MSRB3: variants seen among roughly 807,000 people sequenced by gnomAD.
The protein encoded by MSRB3 is methionine-R-sulfoxide reductase B3.
MSRB3 carries 13 observed loss-of-function variants against 21.0 expected under a neutral mutation model. That is an observed-to-expected ratio of 0.62 (90% CI 0.40 to 0.98). The LOEUF (loss-of-function observed/expected upper bound fraction) is 0.98, where lower values mean the gene tolerates loss of function less well. Among genes scored for constraint, MSRB3 ranks in the 50% least tolerant of loss-of-function variants. MSRB3 has a pLI of 0.00. For missense variants in MSRB3, 199 were observed against 230.3 expected (o/e 0.86, Z 0.88); for synonymous variants, 87 against 88.6 (o/e 0.98, Z 0.10).
chr12:65,419,186 T>C lies in MSRB3; in HGVS notation c.293-34542T>C, dbSNP rs1592619050. 7.1e-6 allele frequency: 5 copies of C among 701,068 alleles called. No homozygotes were observed. The East Asian group carries it at 7.7e-5, about 11-fold the overall frequency. The allele number at this position is 701,068 out of a possible 1,614,324, so 43.4% of individuals were successfully genotyped here. ...GCCAACTGCATGGTGACCACTGTGG[T>C]ACTCTCCTTAATCTGCTGAGACCAG... On this transcript the variant is annotated intron_variant, in intron 5 of 6. Transcript: ENST00000308259.
In MSRB3 at chr12:65,445,382, G is replaced by A. The variant is rs531703169; in HGVS notation, c.293-8346G>A. The stretch of plus-strand genomic sequence containing the variant: ...ACAAATTTGATCATGTTACTAGGCT[G>A]CTTAAAAGCCTTCAGGTGGCCCCCA... On this transcript the variant is annotated intron_variant, in intron 5 of 6. Coordinates refer to ENST00000308259, the MANE Select transcript of MSRB3 (RefSeq NM_001031679.3). 1.1e-3 allele frequency among the ~76,000 whole-genome samples: 172 copies of A among 149,924 alleles called. 1 individual carries two copies. The highest frequency in any genetic ancestry group is 4.1e-3 in the African/African-American group (166 of 40,638).
intron 4 of MSRB3, among the ~76,000 whole-genome samples, chr12:65,368,706 G>A (rs1878148502): frequency 6.6e-6 from 1 of 152,104 alleles, no homozygotes; most frequent in Non-Finnish European, 1.5e-5. Context: ...AATCTGTAAA[G>A]ATCAGGTGCC....
intron 2 of MSRB3, among the ~76,000 whole-genome samples, chr12:65,319,375 T>A (rs1874515156): frequency 6.6e-6 from 1 of 152,094 alleles, no homozygotes; most frequent in African/African-American, 2.4e-5. Flanking sequence ...CTAGATGTAG[T>A]TTTCTGTTTG....
At chr12:65,347,511 T>C (rs1397828726) in intron 4 of MSRB3, among the ~76,000 whole-genome samples, 4 of 152,184 alleles carry the variant, frequency 2.6e-5, no homozygotes, top group Non-Finnish European at 4.4e-5. Flanking sequence ...TTTCTAGATA[T>C]ACAATCATGT....
intron 5 of MSRB3, among the ~76,000 whole-genome samples, chr12:65,394,831 G>A (rs1879688776): frequency 6.6e-6 from 1 of 152,282 alleles, no homozygotes; most frequent in East Asian, 1.9e-4. Context: ...GATTGTATCA[G>A]TAGACACAGA....
At chr12:65,287,131 CTT>C (rs368441408) in intron 1 of MSRB3, among the ~76,000 whole-genome samples, 11 of 124,750 alleles carry the variant, frequency 8.8e-5, no homozygotes, top group Middle Eastern at 4.1e-3. Context: ...TTTCATTTCT[CTT>C]TTTTTTTTTT....
chr12:65,332,348 G>A (rs910285855), intron 4 of MSRB3, among the ~76,000 whole-genome samples: 13 of 151,972 alleles, frequency 8.6e-5, no homozygotes, highest in African/African-American at 3.1e-4. Flanking sequence ...TGTTAGAAAG[G>A]AGTGAGGGTA....
At chr12:65,402,615 C>T (rs1389965518) in intron 5 of MSRB3, among the ~76,000 whole-genome samples, 1 of 152,206 alleles carries the variant, frequency 6.6e-6, no homozygotes, top group Admixed American at 6.5e-5. Flanking sequence ...CTACTTCTGT[C>T]AATTCATCAA....
chr12:65,461,542 C>A (rs1050920828), intron 6 of MSRB3, among the ~76,000 whole-genome samples: 6 of 152,108 alleles, frequency 3.9e-5, no homozygotes, highest in African/African-American at 1.4e-4. Context: ...CATGGAAGTG[C>A]CATACAGTCA....
At chr12:65,408,962 T>A (rs1258848204) in intron 5 of MSRB3, among the ~76,000 whole-genome samples, 1 of 152,184 alleles carries the variant, frequency 6.6e-6, no homozygotes, top group African/African-American at 2.4e-5. Flanking sequence ...AGCGGACTTT[T>A]CTGTGATCTT....
At chr12:65,369,054 G>A in intron 5 of MSRB3, 28 bp downstream of exon 5, 1 of 1,499,040 alleles carries the variant, frequency 6.7e-7, no homozygotes, top group Non-Finnish European at 9.3e-7. Flanking sequence ...ATGCTCTTCT[G>A]AATATATTTT....
chr12:65,331,335 A>G (rs577044520), intron 4 of MSRB3, among the ~76,000 whole-genome samples: 1 of 152,336 alleles, frequency 6.6e-6, no homozygotes, highest in Non-Finnish European at 1.5e-5. Context: ...TCTAAAGAAT[A>G]CAGGAATAGC....
chr12:65,290,536 C>A (rs1872611768), intron 1 of MSRB3, among the ~76,000 whole-genome samples: 1 of 152,174 alleles, frequency 6.6e-6, no homozygotes, highest in Admixed American at 6.5e-5. Context: ...TGTAATTTTC[C>A]ATGATTTTGT....
chr12:65,285,734 T>C (rs57512601), intron 1 of MSRB3: 7,126 of 152,478 alleles, frequency 0.047, 347 homozygotes, highest in African/African-American at 0.12. Context: ...GTGAGAGGAT[T>C]GCTTGAGCCC....
At chr12:65,404,781 C>T (rs1203592630) in intron 5 of MSRB3, among the ~76,000 whole-genome samples, 1 of 152,130 alleles carries the variant, frequency 6.6e-6, no homozygotes, top group Admixed American at 6.5e-5. Flanking sequence ...AATCTACTCT[C>T]TTTGCAATTT....
intron 5 of MSRB3, among the ~76,000 whole-genome samples, chr12:65,413,421 A>C (rs1014603228): frequency 2.6e-5 from 4 of 152,174 alleles, no homozygotes; most frequent in African/African-American, 9.7e-5. Flanking sequence ...ATGCCTGATT[A>C]GTTGTTGCCT....
chr12:65,350,686 A>T (rs1419119590), intron 4 of MSRB3, among the ~76,000 whole-genome samples: 1 of 141,072 alleles, frequency 7.1e-6, no homozygotes, highest in Non-Finnish European at 1.5e-5. Context: ...AACAGACTTT[A>T]AACCAACAAA....
intron 1 of MSRB3, among the ~76,000 whole-genome samples, chr12:65,308,189 G>A (rs1018064151): frequency 4.6e-5 from 7 of 152,144 alleles, no homozygotes; most frequent in Non-Finnish European, 7.4e-5. Flanking sequence ...ATGATACAAC[G>A]TGTATATTAG....
intron 5 of MSRB3, among the ~76,000 whole-genome samples, chr12:65,369,952 G>A (rs567999964): frequency 6.6e-6 from 1 of 152,104 alleles, no homozygotes; most frequent in African/African-American, 2.4e-5. Flanking sequence ...CCTTTTGATA[G>A]TAGTGTTAAG....
Sources: allele counts gnomAD v4.1 joint callset (sites outside exome capture counted in the v4.1 genomes callset), GRCh38; gene constraint gnomAD v4.1.1; transcripts MANE v1.5; gene names NCBI Gene and HGNC (gene_info 2026-07-23, HGNC 2026-07-21).